FMOD: variants seen among roughly 807,000 people sequenced by gnomAD.
FMOD encodes KSPG fibromodulin.
In FMOD, 15 loss-of-function variants were observed where a neutral mutation model predicts 27.0. That is an observed-to-expected ratio of 0.55 (90% CI 0.37 to 0.85). FMOD has a LOEUF of 0.85. Ranked by LOEUF, FMOD falls within the 40% of genes least tolerant of loss-of-function variation. The pLI, the probability that FMOD is intolerant of heterozygous loss-of-function variation, is 0.00. For synonymous variants in FMOD, 210 were observed against 214.0 expected (o/e 0.98, Z 0.16); for missense variants, 460 against 483.2 (o/e 0.95, Z 0.45).
intron 2 of FMOD, among the ~76,000 whole-genome samples, chr1:203,346,099 G>A (rs1658883318): frequency 6.6e-6 from 1 of 152,230 alleles, no homozygotes; most frequent in South Asian, 2.1e-4. Context: ...TCTGGGGCTG[G>A]TGCCTCTCTC....
chr1:203,348,131 T>A lies in FMOD; in HGVS notation c.140A>T (p.Tyr47Phe), dbSNP rs752288531. The change falls in exon 2 of 3, where the codon TAT becomes TTT. Residue 47 changes from tyrosine to phenylalanine, a missense_variant. By Grantham distance (22) the Tyr-to-Phe change is conservative (BLOSUM62 3). Transcript: ENST00000354955. ...ATAGGGGTAAGGCTCGTAGGTCTCA[T>A]ACGGGTAAGGGTCATAGGGATCGTA... ...TYYDPYDPYP[Y>F]ETYEPYPYGV... 9.9e-6 allele frequency: 16 copies of A among 1,614,120 alleles called. No homozygotes were observed. The South Asian group carries it at 1.6e-4, about 17-fold the overall frequency.
In FMOD at chr1:203,342,234, G is replaced by T; in HGVS notation, c.*109C>A. The T allele has an allele frequency of 7.3e-7, 1 of 1,377,344 alleles. No homozygotes were observed. Among genetic ancestry groups the T allele is most frequent in the Non-Finnish European group, 9.8e-7 (1 of 1,018,764 alleles). 85.3% of individuals were successfully genotyped at this position (1,377,344 alleles called of 1,614,324 possible). On this transcript the variant is annotated 3_prime_UTR_variant, in exon 3 of 3. Coordinates refer to ENST00000354955, the MANE Select transcript of FMOD (RefSeq NM_002023.5). ...GGAAAGAAGACTACAGAGGGTGCCC[G>T]TGGACTTCTGTCACATGGTCCATCC... is the stretch of plus-strand genomic sequence containing the variant.
rs746125671 is a variant in FMOD, at chr1:203,347,556, G to T, written c.715C>A (p.Pro239Thr). 76 of 1,614,156 alleles carry T rather than the reference G, an allele frequency of 4.7e-5. No individual in the cohort carries two copies. In the South Asian group the frequency reaches 8.2e-4, roughly 17 times the overall value. The change falls in exon 2 of 3, where the codon CCT (proline) becomes ACT (threonine). Residue 239 changes from proline to threonine, a missense_variant. Coordinates refer to ENST00000354955, the MANE Select transcript of FMOD (RefSeq NM_002023.5). ...DLSYNHLRKV[P>T]DGLPSALEQL... ...TCAAGAGCTGAGGGCAGCCCATCAG[G>T]CACCTTCCGAAGGTGGTTATAACTC...
chr1:203,346,345 G>T (rs567132546), intron 2 of FMOD, among the ~76,000 whole-genome samples: 34 of 152,082 alleles, frequency 2.2e-4, no homozygotes, highest in African/African-American at 8.0e-4. Context: ...GTCAAGTGCT[G>T]GCTCAGTACC....
In FMOD at chr1:203,341,289, G is replaced by A; in HGVS notation, c.*1054C>T. The A allele has an allele frequency of 6.6e-6, 1 of 152,216 alleles. No individual in the cohort carries two copies. Among genetic ancestry groups the A allele is most frequent in the Non-Finnish European group, 1.5e-5 (1 of 68,050 alleles). 9.4% of individuals were successfully genotyped at this position (152,216 alleles called of 1,614,324 possible). On this transcript the variant is annotated 3_prime_UTR_variant, in exon 3 of 3. Coordinates refer to ENST00000354955, the MANE Select transcript of FMOD (RefSeq NM_002023.5). ...GCTAGCAAGTCCAGGGCTGCCTGGA[G>A]TCTGTCTCTACCATCAGGATATAGA...
chr1:203,341,328 G>A lies in FMOD; in HGVS notation c.*1015C>T, dbSNP rs1658791653. 1 of 152,172 alleles carries A rather than the reference G, an allele frequency of 6.6e-6. No individual in the cohort carries two copies. The highest frequency in any genetic ancestry group is 1.5e-5 in the Non-Finnish European group (1 of 68,030). 9.4% of individuals were successfully genotyped at this position (152,172 alleles called of 1,614,324 possible). ...TCAGGATATAGAATCTTCCTGCTTG[G>A]ATAAAAGGAGAGGACAAACTGTGTT... On this transcript the variant is annotated 3_prime_UTR_variant, in exon 3 of 3. Transcript: ENST00000354955.
chr1:203,350,593 A>ACACG (rs1553286360), intron 1 of FMOD, among the ~76,000 whole-genome samples: 7 of 151,782 alleles, frequency 4.6e-5, no homozygotes, highest in South Asian at 2.1e-4. Flanking sequence ...ACACACACAC[A>ACACG]CACACACACA....
At chr1:203,345,691 G>C (rs1658875141) in intron 2 of FMOD, among the ~76,000 whole-genome samples, 1 of 152,178 alleles carries the variant, frequency 6.6e-6, no homozygotes, top group Non-Finnish European at 1.5e-5. Context: ...GAGGTCAGGA[G>C]ATCAAGACCG....
In FMOD at chr1:203,347,791, C is replaced by G. The variant is rs2102304529; in HGVS notation, c.480G>C (p.Leu160=). 1 of 1,613,858 alleles carries G rather than the reference C, an allele frequency of 6.2e-7. No homozygotes were observed. The highest frequency in any genetic ancestry group is 8.5e-7 in the Non-Finnish European group (1 of 1,180,036). The change falls in exon 2 of 3, where the codon CTG becomes CTC. Residue 160 remains leucine (L), a synonymous_variant. Transcript: ENST00000354955. Reference sequence around the variant, plus strand: ...GGGTCAGGTTGTTGTGGTCCAGGTACAGCCTCTCCAGGTGCCTCAGCTTGG... The same window carrying G: ...GGGTCAGGTTGTTGTGGTCCAGGTAGAGCCTCTCCAGGTGCCTCAGCTTGG... ...VFSKLRHLER[L]YLDHNNLTRM...
intron 2 of FMOD, among the ~76,000 whole-genome samples, chr1:203,345,755 G>A (rs1658876090): frequency 1.3e-5 from 2 of 152,048 alleles, no homozygotes; most frequent in South Asian, 2.1e-4. Context: ...AAAGTTGGCC[G>A]AGCGTGGTGG....
At position 203,342,203 on chromosome 1, in the gene FMOD, C is replaced by G; in HGVS notation, c.*140G>C. 1 of 1,067,640 alleles carries G rather than the reference C, an allele frequency of 9.4e-7. No homozygotes were observed. The highest frequency in any genetic ancestry group is 1.3e-6 in the Non-Finnish European group (1 of 758,622). The allele number at this position is 1,067,640 out of a possible 1,614,324, so 66.1% of individuals were successfully genotyped here. ...TCCCTGATCGCCCCCCCTAACCCCA[C>G]CTACAGGAAAGAAGACTACAGAGGG... On this transcript the variant is annotated 3_prime_UTR_variant, in exon 3 of 3. Coordinates refer to ENST00000354955, the MANE Select transcript of FMOD (RefSeq NM_002023.5).
At chr1:203,345,257 C>T (rs1658867922) in intron 2 of FMOD, among the ~76,000 whole-genome samples, 1 of 152,150 alleles carries the variant, frequency 6.6e-6, no homozygotes, top group African/African-American at 2.4e-5. Context: ...GGAAACTGCA[C>T]TAATTTTATT....
Position 203,347,431 on chromosome 1 carries a change from TAG to T in FMOD, c.838_839del (p.Leu280AsnfsTer17). 6.2e-7 allele frequency: 1 copy of T among 1,614,172 alleles called. No homozygotes were observed. Among genetic ancestry groups the T allele is most frequent in the Non-Finnish European group, 8.5e-7 (1 of 1,180,030 alleles). ...TGTTGGAGGCCAGGCCATTGTTGGT[TAG>T]ACTGTTGTGGGACAGCCGCACATAC... ...LLYVRLSHNS[L>X]TNNGLASNTF... is the part of the protein sequence containing the mutation. On this transcript the variant is annotated frameshift_variant, in exon 2 of 3. Coordinates refer to ENST00000354955, the MANE Select transcript of FMOD (RefSeq NM_002023.5). LOFTEE classifies it high-confidence loss of function.
At position 203,343,823 on chromosome 1, in the gene FMOD, A is replaced by G. The variant is rs114185541; in HGVS notation, c.980-1329T>C. Among the ~76,000 whole-genome samples, 1,134 of 152,338 alleles carry G rather than the reference A, an allele frequency of 7.4e-3. 10 individuals are homozygous for G. Among genetic ancestry groups the G allele is most frequent in the South Asian group, 0.05 (241 of 4,830 alleles). Reference sequence around the variant, plus strand: ...CCAAGAAAGACAGCATGGAGAGCTTAAAGAGGCTGATGAAAAAAGTGTTTT... The same window carrying G: ...CCAAGAAAGACAGCATGGAGAGCTTGAAGAGGCTGATGAAAAAAGTGTTTT... On this transcript the variant is annotated intron_variant, in intron 2 of 2. Transcript: ENST00000354955.
At chr1:203,342,628 G>A (rs1352774845) in intron 2 of FMOD, 134 bp from the exon 3 acceptor site, 9 of 876,596 alleles carry the variant, frequency 1.0e-5, no homozygotes, top group Admixed American at 2.6e-5. Context: ...ATGTTTTCCA[G>A]GATTGGAGTC....
intron 2 of FMOD, among the ~76,000 whole-genome samples, chr1:203,346,599 A>G (rs1658892149): frequency 2.0e-5 from 3 of 151,708 alleles, no homozygotes; most frequent in Admixed American, 1.3e-4. Flanking sequence ...TAGGAAGGAT[A>G]TCTGCCCTGC....
At position 203,347,352 on chromosome 1, in the gene FMOD, T is replaced by C; in HGVS notation, c.919A>G (p.Lys307Glu). ...ELDLSYNQLQ[K>E]IPPVNTNLEN... ...AGGTTGGTGTTGACTGGGGGGATCT[T>C]CTGCAGCTGGTTGTAGGAGAGGTCT... The change falls in exon 2 of 3, where the codon AAG becomes GAG. Residue 307 changes from lysine (K) to glutamate (E), a missense_variant. Coordinates refer to ENST00000354955, the MANE Select transcript of FMOD (RefSeq NM_002023.5). The C allele has an allele frequency of 1.2e-6, 2 of 1,614,160 alleles. No homozygotes were observed. The highest frequency in any genetic ancestry group is 1.1e-5 in the South Asian group (1 of 91,074).
intron 2 of FMOD, among the ~76,000 whole-genome samples, chr1:203,346,471 T>C (rs1009800214): frequency 7.6e-5 from 11 of 145,196 alleles, no homozygotes; most frequent in African/African-American, 2.5e-4. Context: ...CTGAAATGAA[T>C]ATTTCTTAGA....
chr1:203,342,975 G>A (rs995174069), intron 2 of FMOD, among the ~76,000 whole-genome samples: 4 of 152,142 alleles, frequency 2.6e-5, no homozygotes, highest in African/African-American at 9.7e-5. Flanking sequence ...AGAAAAAGTG[G>A]CAGGAAATTA....
Sources: gnomAD v4.1 joint callset for allele counts (sites outside exome capture counted in the v4.1 genomes callset) on GRCh38, gnomAD v4.1.1 for gene constraint, MANE v1.5 for transcripts, NCBI Gene and HGNC (gene_info 2026-07-23, HGNC 2026-07-21) for gene names.